Variants in TRA2A observed in about 807,000 individuals in gnomAD.
The protein encoded by TRA2A is transformer-2 protein homolog alpha.
Under a neutral mutation model 45.7 loss-of-function variants are expected in TRA2A, and 31 were observed. The observed-to-expected ratio is 0.68, with a 90% confidence interval of 0.51 to 0.92. The LOEUF (loss-of-function observed/expected upper bound fraction) is 0.92. Ranked by LOEUF, TRA2A falls within the 40% of genes least tolerant of loss-of-function variation. TRA2A has a pLI of 0.00. For synonymous variants in TRA2A, 132 were observed against 126.2 expected, an observed-to-expected ratio of 1.05 and a Z score of -0.31; for missense variants, 304 against 367.5, an observed-to-expected ratio of 0.83 and a Z score of 1.41.
chr7:23,518,275 T>A (rs1242735630), intron 2 of TRA2A, among the ~76,000 whole-genome samples: 1 of 151,986 alleles, frequency 6.6e-6, no homozygotes, highest in African/African-American at 2.4e-5. Flanking sequence ...CCAATTCTTC[T>A]TTAGCCTGCT....
intron 2 of TRA2A, among the ~76,000 whole-genome samples, chr7:23,519,107 C>T (rs952379147): frequency 1.5e-4 from 23 of 152,226 alleles, no homozygotes; most frequent in African/African-American, 5.1e-4. Flanking sequence ...AAGACTAATC[C>T]GACAGGCCGG....
At chr7:23,505,949 AAT>A in intron 6 of TRA2A, 136 bp from the exon 7 acceptor site, 2 of 696,948 alleles carry the variant, frequency 2.9e-6, no homozygotes, top group Non-Finnish European at 4.6e-6. Flanking sequence ...TCTTTCTGCC[AAT>A]GAGACCAGAA....
At chr7:23,520,529 A>AT (rs1790088545) in intron 2 of TRA2A, among the ~76,000 whole-genome samples, 1 of 152,180 alleles carries the variant, frequency 6.6e-6, no homozygotes, top group Admixed American at 6.5e-5. Flanking sequence ...CTGTAACAGA[A>AT]AACAGTATGG....
At chr7:23,511,583 TAA>T (rs927663827) in intron 4 of TRA2A, among the ~76,000 whole-genome samples, 50 of 151,892 alleles carry the variant, frequency 3.3e-4, no homozygotes, top group African/African-American at 1.2e-3. Context: ...CAACTTTTAG[TAA>T]AGAGTAAGCG....
intron 4 of TRA2A, among the ~76,000 whole-genome samples, chr7:23,511,939 C>A (rs1178709040): frequency 6.6e-6 from 1 of 152,168 alleles, no homozygotes; most frequent in Admixed American, 6.5e-5. Context: ...TCATTATAGA[C>A]ACAAAATTAA....
intron 1 of TRA2A, among the ~76,000 whole-genome samples, chr7:23,523,231 T>C (rs531094632): frequency 2.0e-5 from 3 of 152,298 alleles, no homozygotes; most frequent in African/African-American, 2.4e-5. Flanking sequence ...AATTTATGCA[T>C]TTATGTATAC....
At chr7:23,528,560 C>T (rs879495352) in intron 1 of TRA2A, among the ~76,000 whole-genome samples, 1 of 152,130 alleles carries the variant, frequency 6.6e-6, no homozygotes, top group Admixed American at 6.6e-5. Flanking sequence ...GTCATCATCC[C>T]TATCATTCTC....
At chr7:23,516,342 T>C in intron 3 of TRA2A, 21 bp downstream of exon 3, 1 of 1,612,838 alleles carries the variant, frequency 6.2e-7, no homozygotes, top group Non-Finnish European at 8.5e-7. Flanking sequence ...AAGTCTTCAT[T>C]AACTTTTATA....
At chr7:23,505,616 A>G in intron 7 of TRA2A, 47 bp from the exon 8 acceptor site, 1 of 617,960 alleles carries the variant, frequency 1.6e-6, no homozygotes, top group East Asian at 2.9e-5. Flanking sequence ...AAAGTTAACA[A>G]TTATAGTTTA....
chr7:23,526,749 G>A (rs1174371244), intron 1 of TRA2A, among the ~76,000 whole-genome samples: 3 of 152,150 alleles, frequency 2.0e-5, no homozygotes, highest in African/African-American at 7.2e-5. Flanking sequence ...ATATTAAATT[G>A]AAATAATAAT....
chr7:23,525,372 A>T (rs925924171), intron 1 of TRA2A, among the ~76,000 whole-genome samples: 9 of 152,224 alleles, frequency 5.9e-5, no homozygotes, highest in Non-Finnish European at 1.0e-4. Flanking sequence ...ACTTGTTCTT[A>T]AAGCTGTCCA....
intron 1 of TRA2A, 81 bp downstream of exon 1, chr7:23,531,708 A>C (rs2128002919): frequency 5.2e-6 from 8 of 1,540,386 alleles, no homozygotes; most frequent in Non-Finnish European, 5.3e-6. Context: ...ACTACCCGCA[A>C]CCCCGCCCGA....
chr7:23,513,143 A>T, intron 3 of TRA2A, 61 bp from the exon 4 acceptor site: 1 of 1,262,798 alleles, frequency 7.9e-7, no homozygotes, highest in Middle Eastern at 2.0e-4. Context: ...GAAACACAGA[A>T]ATACTTTGTT....
chr7:23,511,370 CAAAAAAAAAAAAAAAAAAAAAAAAAAA>C (rs567187750), intron 4 of TRA2A, among the ~76,000 whole-genome samples: 6 of 40,136 alleles, frequency 1.5e-4, no homozygotes, highest in Admixed American at 4.3e-4. Context: ...GACTCCATCT[CAAAAAAAAAAAAAAAAAAAAAAAAAAA>C]AAAAAAAAAA....
In TRA2A at chr7:23,507,499, T is replaced by C; in HGVS notation, c.562A>G (p.Arg188Gly). ...ERANGMELDG[R>G]RIRVDYSITK... ...ATAGAATAATCCACCCGAATTCTTC[T>C]ACCATCCAGCTCCATTCCATTTGCC... The change falls in exon 5 of 8, where the codon AGA becomes GGA. Residue 188 changes from arginine to glycine, a missense_variant. Around this residue, in one of 3 missense-constraint regions of TRA2A, gnomAD observed 130 missense variants for 217.1 expected, o/e 0.60. Transcript: ENST00000297071. The C allele has an allele frequency of 6.2e-7, 1 of 1,614,198 alleles. No homozygotes were observed. The highest frequency in any genetic ancestry group is 8.5e-7 in the Non-Finnish European group (1 of 1,180,038).
At chr7:23,521,959 C>A in intron 1 of TRA2A, 119 bp from the exon 2 acceptor site, 1 of 1,454,992 alleles carries the variant, frequency 6.9e-7, no homozygotes, top group Non-Finnish European at 9.1e-7. Flanking sequence ...TTAGACAACA[C>A]CCTCCAGAAA....
Position 23,505,585 on chromosome 7 carries a change from C to CAAAAAAAAAAAAAGAAA in TRA2A, c.839-17_839-16insTTTCTTTTTTTTTTTTT. 4.1e-6 allele frequency: 1 copy of CAAAAAAAAAAAAAGAAA among 243,556 alleles called. No individual in the cohort carries two copies. Among genetic ancestry groups the CAAAAAAAAAAAAAGAAA allele is most frequent in the Non-Finnish European group, 6.5e-6 (1 of 153,144 alleles). The allele number at this position is 243,556 out of a possible 1,614,324, so 15.1% of individuals were successfully genotyped here. On this transcript the variant is annotated splice_polypyrimidine_tract_variant and intron_variant, in intron 7 of 7. Transcript: ENST00000297071. The stretch of plus-strand genomic sequence containing the variant: ...CAATAGCGTCCTAAAAGAGAAAAAG[C>CAAAAAAAAAAAAAGAAA]AAAAAAAAAAAAAAAAAAAAAAAGT...
chr7:23,526,350 C>T lies in TRA2A; in HGVS notation c.37-4510G>A, dbSNP rs763100815. ...TAATAGGGCCAAATTTACTCAAGTC[C>T]AAGTCTATGAGTATAAGCTTGTAAA... is the stretch of plus-strand genomic sequence containing the variant. On this transcript the variant is annotated intron_variant, in intron 1 of 7. Coordinates refer to ENST00000297071, the MANE Select transcript of TRA2A (RefSeq NM_013293.5). Among the ~76,000 whole-genome samples, 14 of 152,132 alleles carry T rather than the reference C, an allele frequency of 9.2e-5. No individual in the cohort carries two copies. The South Asian group carries it at 2.9e-3, about 32-fold the overall frequency.
intron 5 of TRA2A, chr7:23,507,008 C>T: frequency 6.3e-6 from 1 of 158,218 alleles, no homozygotes; most frequent in Non-Finnish European, 1.4e-5. Context: ...CGTGATCCAC[C>T]CGCCTCGGCC....
Sources: gnomAD v4.1 joint callset for allele counts (sites outside exome capture counted in the v4.1 genomes callset) on GRCh38, gnomAD v4.1.1 for gene constraint, gnomAD v4.1.1 regional missense constraint, MANE v1.5 for transcripts, NCBI Gene and HGNC (gene_info 2026-07-23, HGNC 2026-07-21) for gene names.